TBC1D5: variants seen among roughly 807,000 people sequenced by gnomAD.
TBC1D5 encodes TBC1 domain family, member 5.
In TBC1D5, 75 loss-of-function variants were observed where a neutral mutation model predicts 100.3. The ratio of observed to expected loss-of-function variants is 0.75; its 90% CI spans 0.62 to 0.91. The LOEUF (loss-of-function observed/expected upper bound fraction) is 0.91, where lower values mean the gene tolerates loss of function less well. TBC1D5 is among the 40% of genes least tolerant of loss of function. The probability of loss-of-function intolerance (pLI) is 0.00; values close to 1 mark genes in which losing one functional copy is unlikely to be tolerated. For missense variants in TBC1D5, 910 were observed against 942.4 expected (o/e 0.97, Z 0.45); for synonymous variants, 323 against 325.6 (o/e 0.99, Z 0.09).
chr3:17,438,383 C>T (rs184251226), intron 3 of TBC1D5, among the ~76,000 whole-genome samples: 2 of 152,250 alleles, frequency 1.3e-5, no homozygotes, highest in East Asian at 3.9e-4. Context: ...TTCCCATAAT[C>T]CCCACATATC....
chr3:17,158,366 A>G (rs1486237357), exon 22 of TBC1D5: 1 of 152,242 alleles, frequency 6.6e-6, no homozygotes, highest in South Asian at 2.1e-4. Flanking sequence ...TTCAGGATTT[A>G]AAAAATGTAC....
chr3:17,513,696 T>C (rs1054085314), intron 2 of TBC1D5, among the ~76,000 whole-genome samples: 3 of 152,162 alleles, frequency 2.0e-5, no homozygotes, highest in African/African-American at 7.2e-5. Context: ...TTACTTTACA[T>C]AAAGATTTCT....
At chr3:17,633,282 A>G (rs2063642893) in intron 1 of TBC1D5, among the ~76,000 whole-genome samples, 1 of 152,102 alleles carries the variant, frequency 6.6e-6, no homozygotes, top group African/African-American at 2.4e-5. Flanking sequence ...ACTAAAAAAT[A>G]CAAAAATTAG....
intron 16 of TBC1D5, among the ~76,000 whole-genome samples, chr3:17,256,476 T>TTA (rs545713832): frequency 0.015 from 2,260 of 146,050 alleles, 48 homozygotes; most frequent in African/African-American, 0.05. Context: ...ACTCAATGTG[T>TTA]TATATATATA....
At chr3:17,742,414 T>G (rs549363732), upstream of TBC1D5, 1 of 153,134 alleles carries the variant, frequency 6.5e-6, no homozygotes, top group Non-Finnish European at 1.5e-5. Flanking sequence ...GGGGCTGCAC[T>G]GGAGGAAGGC....
At chr3:17,271,551 G>C (rs770948670) in intron 15 of TBC1D5, among the ~76,000 whole-genome samples, 17 of 152,120 alleles carry the variant, frequency 1.1e-4, no homozygotes, top group African/African-American at 3.9e-4. Flanking sequence ...TGCCAGAGAA[G>C]AGAGATACTC....
chr3:17,699,275 C>A (rs2072726770), intron 1 of TBC1D5, among the ~76,000 whole-genome samples: 1 of 140,118 alleles, frequency 7.1e-6, no homozygotes. Context: ...TCATCATTCT[C>A]AGTAAACTAT....
chr3:17,315,201 C>A (rs747037319), intron 13 of TBC1D5, among the ~76,000 whole-genome samples: 4 of 152,226 alleles, frequency 2.6e-5, no homozygotes, highest in Non-Finnish European at 5.9e-5. Context: ...GGCCATCAGG[C>A]ACACATTTAA....
intron 1 of TBC1D5, among the ~76,000 whole-genome samples, chr3:17,658,681 G>C (rs1414945166): frequency 6.6e-6 from 1 of 151,938 alleles, no homozygotes; most frequent in East Asian, 1.9e-4. Context: ...TTTTTAGACA[G>C]GGTTTCACTC....
At chr3:17,381,461 C>T (rs2092942371) in intron 9 of TBC1D5, among the ~76,000 whole-genome samples, 1 of 151,920 alleles carries the variant, frequency 6.6e-6, no homozygotes, top group African/African-American at 2.4e-5. Context: ...ATAAGGTTCA[C>T]AATGAAAGCC....
chr3:17,661,099 T>C (rs1041014679), intron 1 of TBC1D5, among the ~76,000 whole-genome samples: 3 of 152,124 alleles, frequency 2.0e-5, no homozygotes, highest in South Asian at 2.1e-4. Context: ...TAAAGAAAAA[T>C]TCAATTATAA....
chr3:17,693,364 G>T (rs773287520), intron 1 of TBC1D5, among the ~76,000 whole-genome samples: 1 of 152,150 alleles, frequency 6.6e-6, no homozygotes, highest in East Asian at 1.9e-4. Flanking sequence ...CTGGAAAAAC[G>T]TAACACTCCC....
At chr3:17,532,879 G>T (rs9681628) in intron 2 of TBC1D5, among the ~76,000 whole-genome samples, 1 of 151,300 alleles carries the variant, frequency 6.6e-6, no homozygotes, top group Non-Finnish European at 1.5e-5. Context: ...GAGATATAGC[G>T]AATACTAAAT....
intron 20 of TBC1D5, among the ~76,000 whole-genome samples, 173 bp from the exon 22 acceptor site, chr3:17,167,101 C>T (rs2066695910): frequency 1.3e-5 from 2 of 152,294 alleles, no homozygotes; most frequent in South Asian, 4.1e-4. Context: ...AATTTTATCA[C>T]AGCTGCTGGC....
At chr3:17,291,276 A>T (rs2081710401) in intron 15 of TBC1D5, among the ~76,000 whole-genome samples, 1 of 152,246 alleles carries the variant, frequency 6.6e-6, no homozygotes, top group Non-Finnish European at 1.5e-5. Flanking sequence ...TTTTCAAGAA[A>T]TATAACATTA....
chr3:17,369,522 C>T (rs978209479), intron 13 of TBC1D5, among the ~76,000 whole-genome samples: 1 of 151,928 alleles, frequency 6.6e-6, no homozygotes, highest in Non-Finnish European at 1.5e-5. Flanking sequence ...TTCTATCTAC[C>T]GTTATTATTA....
intron 1 of TBC1D5, among the ~76,000 whole-genome samples, chr3:17,724,499 C>T (rs932003091): frequency 6.6e-6 from 1 of 152,034 alleles, no homozygotes; most frequent in Non-Finnish European, 1.5e-5. Flanking sequence ...TGCCTCAGCT[C>T]CTTTGAAGGT....
At chr3:17,274,352 GT>G (rs1184499555) in intron 15 of TBC1D5, among the ~76,000 whole-genome samples, 3 of 152,130 alleles carry the variant, frequency 2.0e-5, no homozygotes, top group Non-Finnish European at 4.4e-5. Context: ...TTCCTATGTG[GT>G]TGGTTAGTCT....
intron 2 of TBC1D5, among the ~76,000 whole-genome samples, chr3:17,520,681 A>G (rs982664543): frequency 9.9e-5 from 15 of 152,174 alleles, no homozygotes; most frequent in African/African-American, 3.6e-4. Flanking sequence ...TGCCAAATAA[A>G]TAAATATAAG....
Sources: allele counts gnomAD v4.1 joint callset (sites outside exome capture counted in the v4.1 genomes callset), GRCh38; gene constraint gnomAD v4.1.1; transcripts MANE v1.5; gene names NCBI Gene and HGNC (gene_info 2026-07-23, HGNC 2026-07-21).